RORA: variants seen among roughly 807,000 people sequenced by gnomAD.
RORA encodes the protein RAR related orphan receptor A, also known as nuclear receptor ROR-alpha.
Under a neutral mutation model 69.5 loss-of-function variants are expected in RORA, and 7 were observed. The observed-to-expected ratio is 0.10, with a 90% confidence interval of 0.06 to 0.19. The LOEUF (loss-of-function observed/expected upper bound fraction) is 0.19. Among genes scored for constraint, RORA ranks in the 10% least tolerant of loss-of-function variants. The pLI is 1.00. For missense variants in RORA, 457 were observed against 663.0 expected (o/e 0.69, Z 3.41); for synonymous variants, 261 against 240.8 (o/e 1.08, Z -0.78).
At chr15:61,149,323 C>T (rs922106886) in intron 1 of RORA, among the ~76,000 whole-genome samples, 1 of 152,132 alleles carries the variant, frequency 6.6e-6, no homozygotes, top group Admixed American at 6.5e-5. Context: ...TCTTTCTTGT[C>T]TCTCTTCATC....
intron 1 of RORA, among the ~76,000 whole-genome samples, chr15:61,027,934 C>T (rs563937210): frequency 6.6e-6 from 1 of 152,322 alleles, no homozygotes; most frequent in East Asian, 1.9e-4. Flanking sequence ...ACCTAACCCA[C>T]AGTAAGTGTT....
intron 1 of RORA, among the ~76,000 whole-genome samples, chr15:60,742,626 C>A (rs1378772328): frequency 6.6e-6 from 1 of 152,170 alleles, no homozygotes; most frequent in East Asian, 1.9e-4. Flanking sequence ...TGATCAATGT[C>A]TCCTTGATCC....
chr15:60,911,088 T>A (rs1339167848), intron 1 of RORA, among the ~76,000 whole-genome samples: 9 of 53,676 alleles, frequency 1.7e-4, no homozygotes, highest in Admixed American at 3.1e-4. Flanking sequence ...TTTTTTTTTT[T>A]TTTTTTTTTT....
Position 61,061,392 on chromosome 15 carries a change from A to ATACATAC in RORA, c.166+167660_166+167661insGTATGTA, listed in dbSNP as rs1555406922. Among the ~76,000 whole-genome samples the ATACATAC allele has an allele frequency of 0.099, 11,827 of 119,470 alleles. 595 individuals carry two copies. The highest frequency in any genetic ancestry group is 0.16 in the South Asian group (601 of 3,868). 78.4% of individuals were successfully genotyped at this position (119,470 alleles called of 152,430 possible). ...AAATAAATAAATAAATAAATAAATAAATAAATACAAGGGCATCGCAGGAAG... is the reference window on the plus strand; with the variant it reads ...AAATAAATAAATAAATAAATAAATAATACATACATAAATACAAGGGCATCGCAGGAAG... On this transcript the variant is annotated intron_variant, in intron 1 of 10. Coordinates refer to ENST00000335670, the MANE Select transcript of RORA (RefSeq NM_134261.3). This position sits in a 1 kb window ranked among gnomAD's most constrained non-coding sequence, Gnocchi z 4.4.
Position 60,996,766 on chromosome 15 carries a change from C to G in RORA, c.166+232287G>C, listed in dbSNP as rs28495855. ...TCTACTAAAAATACAAAAAATTAGCCGGGAGTGGTGGCAGGCGCCTGTAGT... is the reference window on the plus strand; with the variant it reads ...TCTACTAAAAATACAAAAAATTAGCGGGGAGTGGTGGCAGGCGCCTGTAGT... On this transcript the variant is annotated intron_variant, in intron 1 of 10. Coordinates refer to ENST00000335670, the MANE Select transcript of RORA (RefSeq NM_134261.3). 5.3e-3 allele frequency among the ~76,000 whole-genome samples: 800 copies of G among 152,078 alleles called. 8 individuals are homozygous for G. Among genetic ancestry groups the G allele is most frequent in the African/African-American group, 0.018 (760 of 41,484 alleles).
intron 1 of RORA, among the ~76,000 whole-genome samples, chr15:61,197,925 T>C (rs1404982802): frequency 6.6e-6 from 1 of 152,108 alleles, no homozygotes; most frequent in Non-Finnish European, 1.5e-5. Context: ...TGGAGAGTGG[T>C]ACTGCTTTGG....
chr15:61,009,103 T>C (rs1298614959), intron 1 of RORA, among the ~76,000 whole-genome samples: 2 of 152,198 alleles, frequency 1.3e-5, no homozygotes, highest in Non-Finnish European at 2.9e-5. Flanking sequence ...TCTGAAAGAA[T>C]GTCATATGCC....
intron 1 of RORA, among the ~76,000 whole-genome samples, chr15:60,865,963 T>G (rs1413461710): frequency 1.3e-5 from 2 of 152,018 alleles, no homozygotes; most frequent in African/African-American, 4.8e-5. Flanking sequence ...ATTTATATAT[T>G]TTTACATGTG....
chr15:60,581,153 G>A (rs973860451), intron 2 of RORA, among the ~76,000 whole-genome samples: 2 of 152,126 alleles, frequency 1.3e-5, no homozygotes, highest in East Asian at 1.9e-4. Flanking sequence ...CTTAACAGTC[G>A]AAATGAGCAG....
chr15:60,786,156 A>G (rs1392187381), intron 1 of RORA, among the ~76,000 whole-genome samples: 1 of 152,230 alleles, frequency 6.6e-6, no homozygotes, highest in Non-Finnish European at 1.5e-5. Flanking sequence ...CATACACGAC[A>G]TCACTACGGT....
intron 1 of RORA, among the ~76,000 whole-genome samples, chr15:60,941,120 A>T (rs575935295): frequency 7.5e-4 from 114 of 152,348 alleles, no homozygotes; most frequent in African/African-American, 2.7e-3. Flanking sequence ...CTAAGCTTGG[A>T]GACACCAAAC....
intron 1 of RORA, among the ~76,000 whole-genome samples, chr15:61,096,113 G>T (rs187398646): frequency 1.8e-4 from 28 of 152,320 alleles, no homozygotes; most frequent in Non-Finnish European, 2.9e-4. Flanking sequence ...TGCAGATGAG[G>T]AAGGCAAGAC....
chr15:61,036,955 C>G (rs1206518772), intron 1 of RORA, among the ~76,000 whole-genome samples: 1 of 152,028 alleles, frequency 6.6e-6, no homozygotes, highest in African/African-American at 2.4e-5. Context: ...TCACTTTTAA[C>G]AAACACTACA....
rs748750705 is a variant in RORA at position 60,501,074 on chromosome 15, C to T, written c.1184-5G>A. 6.5e-7 allele frequency: 1 copy of T among 1,529,180 alleles called. No homozygotes were observed. Among genetic ancestry groups the T allele is most frequent in the South Asian group, 1.1e-5 (1 of 88,128 alleles). 94.7% of individuals were successfully genotyped at this position (1,529,180 alleles called of 1,614,324 possible). A position where few individuals can be genotyped will look rare whatever the true frequency, so the allele number is the denominator to read the frequency against. On this transcript the variant is annotated splice_polypyrimidine_tract_variant and splice_region_variant and intron_variant, in intron 8 of 10. Coordinates refer to ENST00000335670, the MANE Select transcript of RORA (RefSeq NM_134261.3). ...AGCTAATAAAGTCTTCACAACCTGC[C>T]AAAATGAAAACAAAGACAGTTTAGA...
chr15:61,178,135 TAAAA>T (rs1253242881), intron 1 of RORA, among the ~76,000 whole-genome samples: 1 of 152,212 alleles, frequency 6.6e-6, no homozygotes, highest in African/African-American at 2.4e-5. Context: ...ACTCGGATTC[TAAAA>T]AAGAGCAAAG....
At chr15:61,065,226 GTACTA>G (rs2078240338) in intron 1 of RORA, among the ~76,000 whole-genome samples, 1 of 152,204 alleles carries the variant, frequency 6.6e-6, no homozygotes, top group Non-Finnish European at 1.5e-5. Flanking sequence ...AGTATCAAAT[GTACTA>G]TAACTGTTTG....
At chr15:61,089,449 A>G (rs1025029286) in intron 1 of RORA, among the ~76,000 whole-genome samples, 11 of 152,208 alleles carry the variant, frequency 7.2e-5, no homozygotes, top group African/African-American at 2.7e-4. Context: ...CATGCACACA[A>G]ACATGCATAT....
intron 1 of RORA, among the ~76,000 whole-genome samples, chr15:61,155,770 G>A (rs1457782315): frequency 6.6e-6 from 1 of 152,228 alleles, no homozygotes; most frequent in Non-Finnish European, 1.5e-5. Context: ...GACAAAGGCT[G>A]ATGATGTGTT....
In RORA at chr15:60,592,665, G is replaced by C. The variant is rs1209256788; in HGVS notation, c.197-60814C>G. 9 of 1,086,882 alleles carry C rather than the reference G, an allele frequency of 8.3e-6. No individual in the cohort carries two copies. In the Admixed American group the frequency reaches 1.6e-4, roughly 19 times the overall value. 67.3% of individuals were successfully genotyped at this position (1,086,882 alleles called of 1,614,324 possible). A position where few individuals can be genotyped will look rare whatever the true frequency, so the allele number is the denominator to read the frequency against. On this transcript the variant is annotated intron_variant, in intron 2 of 10. Coordinates refer to ENST00000335670, the MANE Select transcript of RORA (RefSeq NM_134261.3). ...GGGAGGCGGGAGGCGGGAGGCAGGC[G>C]CGCCCCAGCGCCGCGCCCCGCCCCG...
Sources: gnomAD v4.1 joint callset for allele counts (sites outside exome capture counted in the v4.1 genomes callset) on GRCh38, gnomAD v4.1.1 for gene constraint, Gnocchi (gnomAD v3.1) non-coding constraint, MANE v1.5 for transcripts, NCBI Gene and HGNC (gene_info 2026-07-23, HGNC 2026-07-21) for gene names.